The following IPO5 variants were observed in gnomAD, a reference collection of about 807,000 sequenced individuals.
The protein encoded by IPO5 is importin-5.
A neutral mutation model predicts 143.3 loss-of-function variants in IPO5; 18 were observed. That is an observed-to-expected ratio of 0.13 (90% CI 0.09 to 0.19). The LOEUF (loss-of-function observed/expected upper bound fraction) is 0.19. Among genes scored for constraint, IPO5 ranks in the 10% least tolerant of loss-of-function variants. The pLI, the probability that IPO5 is intolerant of heterozygous loss-of-function variation, is 1.00. For missense variants in IPO5, 1,013 were observed against 1,336.9 expected, an observed-to-expected ratio of 0.76 and a Z score of 3.78; for synonymous variants, 477 against 465.7, an observed-to-expected ratio of 1.02 and a Z score of -0.31.
At chr13:97,993,326 G>A (rs56411106) in intron 11 of IPO5, 101 bp downstream of exon 11, 395,077 of 952,710 alleles carry the variant, frequency 0.41, 89,805 homozygotes, top group Non-Finnish European at 0.48. Context: ...AGAATATAAT[G>A]AATATCCTTT....
intron 21 of IPO5, 40 bp downstream of exon 21, chr13:98,012,382 A>G: frequency 1.7e-6 from 2 of 1,189,032 alleles, no homozygotes; most frequent in Non-Finnish European, 2.5e-6. Flanking sequence ...GTCTAGATTT[A>G]GTAAACTTGT....
Position 98,008,084 on chromosome 13 carries a change from T to C in IPO5, c.1742T>C (p.Met581Thr), listed in dbSNP as rs1889417555. 1.2e-6 allele frequency: 2 copies of C among 1,611,374 alleles called. No homozygotes were observed. Among genetic ancestry groups the C allele is most frequent in the Non-Finnish European group, 1.7e-6 (2 of 1,177,488 alleles). ...TTCATGCAGGATGCATCAGATGTGA[T>C]GCAGCTTTTGTTAAAGACCCAGACA... ...EKFMQDASDVMQLLLKTQTDF... is the reference protein window; with the variant it reads ...EKFMQDASDVTQLLLKTQTDF... The change falls in exon 18 of 29, where the codon ATG (methionine) becomes ACG (threonine). Residue 581 changes from methionine to threonine, a missense_variant. By Grantham distance (81) the Met-to-Thr change is moderately conservative. Around this residue, in one of 2 missense-constraint regions of IPO5, gnomAD observed 685 missense variants for 994.9 expected, o/e 0.69. Transcript: ENST00000651721.
At chr13:97,991,186 A>G (rs534546695) in intron 9 of IPO5, among the ~76,000 whole-genome samples, 3 of 152,192 alleles carry the variant, frequency 2.0e-5, no homozygotes, top group Admixed American at 6.5e-5. Context: ...AATGAAATGC[A>G]TAAGTAATGT....
intron 26 of IPO5, among the ~76,000 whole-genome samples, chr13:98,019,280 A>G (rs1890326176): frequency 6.6e-6 from 1 of 152,142 alleles, no homozygotes; most frequent in Admixed American, 6.5e-5. Flanking sequence ...TTACTGGGGA[A>G]TATAGTTAGG....
chr13:98,019,123 T>A lies in IPO5; in HGVS notation c.2836+419T>A, dbSNP rs886943000. On this transcript the variant is annotated intron_variant, in intron 26 of 28. Coordinates refer to ENST00000651721, the MANE Select transcript of IPO5 (RefSeq NM_002271.6). Reference sequence around the variant, plus strand: ...GCATGCCACCACGCCTGGCTAATTTTTTCTATTTTTAGTAGAGATGGGGTT... The same window carrying A: ...GCATGCCACCACGCCTGGCTAATTTATTCTATTTTTAGTAGAGATGGGGTT... 4.6e-5 allele frequency among the ~76,000 whole-genome samples: 7 copies of A among 152,106 alleles called. 1 individual carries two copies. The highest frequency in any genetic ancestry group is 6.5e-5 in the Admixed American group (1 of 15,294).
intron 24 of IPO5, among the ~76,000 whole-genome samples, chr13:98,016,515 T>G (rs1890129633): frequency 6.6e-6 from 1 of 152,150 alleles, no homozygotes; most frequent in Non-Finnish European, 1.5e-5. Flanking sequence ...GCCACACACC[T>G]TTGTCTTTCG....
At chr13:97,956,123 C>CA (rs2139458493) in intron 2 of IPO5, among the ~76,000 whole-genome samples, 1 of 140,366 alleles carries the variant, frequency 7.1e-6, no homozygotes, top group East Asian at 2.0e-4. Context: ...CAGTGCGAGA[C>CA]TCCGTGTCAA....
At chr13:97,979,989 G>C (rs759540576) in intron 4 of IPO5, 1 of 455,504 alleles carries the variant, frequency 2.2e-6, no homozygotes, top group Non-Finnish European at 4.4e-6. Flanking sequence ...GTACATATGA[G>C]CATTTCTTCT....
Position 97,982,497 on chromosome 13 carries a change from A to G in IPO5, c.91-6A>G, listed in dbSNP as rs1402191632. 9.5e-6 allele frequency: 15 copies of G among 1,586,184 alleles called. No individual in the cohort carries two copies. The highest frequency in any genetic ancestry group is 1.3e-5 in the Non-Finnish European group (15 of 1,167,626). ...CTTTCCTAACCATTTTTTTTTTTCC[A>G]TGCAGGAAACCTATGAGAATATCCC... On this transcript the variant is annotated splice_region_variant and splice_polypyrimidine_tract_variant and intron_variant, in intron 4 of 28. Transcript: ENST00000651721.
At chr13:97,955,229 G>GA (rs113662514) in intron 2 of IPO5, among the ~76,000 whole-genome samples, 7,402 of 137,088 alleles carry the variant, frequency 0.054, 512 homozygotes, top group African/African-American at 0.17. Flanking sequence ...ACCCTATCAC[G>GA]AAAAAAAAAA....
intron 17 of IPO5, among the ~76,000 whole-genome samples, chr13:98,006,787 C>T (rs1385129984): frequency 6.6e-6 from 1 of 151,402 alleles, no homozygotes; most frequent in Non-Finnish European, 1.5e-5. Flanking sequence ...TGTTTTTTTC[C>T]TTACTCCTTT....
Position 98,014,169 on chromosome 13 carries a change from A to G in IPO5, c.2280A>G (p.Glu760=). The G allele has an allele frequency of 6.2e-7, 1 of 1,613,042 alleles. No individual in the cohort carries two copies. Among genetic ancestry groups the G allele is most frequent in the Non-Finnish European group, 8.5e-7 (1 of 1,179,616 alleles). Residue 760 remains glutamate, a synonymous_variant, in exon 22 of 29, where the codon GAA becomes GAG. Transcript: ENST00000651721. ...CTCTAATTAAGGCCATTGGTACAGAACCAGATTCAGACGTCCTCTCAGAAA... is the reference window on the plus strand; with the variant it reads ...CTCTAATTAAGGCCATTGGTACAGAGCCAGATTCAGACGTCCTCTCAGAAA... ...CDALIKAIGT[E]PDSDVLSEIM...
chr13:98,001,157 A>G (rs1888739175), intron 13 of IPO5, among the ~76,000 whole-genome samples: 1 of 152,124 alleles, frequency 6.6e-6, no homozygotes, highest in Admixed American at 6.6e-5. Context: ...TATAGGCATG[A>G]GCTACCACAC....
At chr13:97,976,649 C>G in intron 3 of IPO5, 44 bp from the exon 4 acceptor site, 2 of 1,000,124 alleles carry the variant, frequency 2.0e-6, no homozygotes, top group African/African-American at 1.7e-5. Context: ...GCGAGCGCGC[C>G]TCACGGCTCC....
rs1233080149 is a variant in IPO5 at position 97,969,745 on chromosome 13, G to C, written c.-90G>C. 6 of 1,572,080 alleles carry C rather than the reference G, an allele frequency of 3.8e-6. No individual in the cohort carries two copies. The highest frequency in any genetic ancestry group is 1.1e-5 in the South Asian group (1 of 89,918). ...CAGCAGAGGAAAGAAATTCCTAAGG[G>C]AACACTGCTCAGAAAGTACTGCAGC... On this transcript the variant is annotated 5_prime_UTR_variant, in exon 3 of 29. Coordinates refer to ENST00000651721, the MANE Select transcript of IPO5 (RefSeq NM_002271.6).
intron 17 of IPO5, 81 bp from the exon 18 acceptor site, chr13:98,007,978 G>A (rs1256713629): frequency 1.2e-5 from 9 of 778,946 alleles, no homozygotes; most frequent in South Asian, 9.7e-5. Context: ...CAATGTAGTC[G>A]ATTTTTTGGC....
intron 17 of IPO5, among the ~76,000 whole-genome samples, chr13:98,007,024 C>A (rs1343319043): frequency 6.6e-6 from 1 of 151,218 alleles, no homozygotes; most frequent in Non-Finnish European, 1.5e-5. Flanking sequence ...TGCCACCACT[C>A]CCAGCTGATT....
In IPO5 at chr13:97,990,122, T is replaced by C; in HGVS notation, c.468-4T>C. On this transcript the variant is annotated splice_region_variant and splice_polypyrimidine_tract_variant and intron_variant, in intron 7 of 28. Coordinates refer to ENST00000651721, the MANE Select transcript of IPO5 (RefSeq NM_002271.6). ...TTTTAAAGAATGTTTGGATTATCTT[T>C]TAGGAACTTTCCTGGAATTTTTGGG... 2.5e-6 allele frequency: 4 copies of C among 1,569,228 alleles called. No homozygotes were observed. The highest frequency in any genetic ancestry group is 1.1e-5 in the South Asian group (1 of 89,402).
At chr13:97,980,743 C>G (rs1169060867) in intron 4 of IPO5, among the ~76,000 whole-genome samples, 1 of 150,884 alleles carries the variant, frequency 6.6e-6, no homozygotes, top group Non-Finnish European at 1.5e-5. Flanking sequence ...AGGAGAATCT[C>G]TTGAACCTGG....
Sources: gnomAD v4.1 joint callset for allele counts (sites outside exome capture counted in the v4.1 genomes callset) on GRCh38, gnomAD v4.1.1 for gene constraint, gnomAD v4.1.1 regional missense constraint, MANE v1.5 for transcripts, NCBI Gene and HGNC (gene_info 2026-07-23, HGNC 2026-07-21) for gene names.